OR5AS1: variants seen among roughly 807,000 people sequenced by gnomAD.
The protein encoded by OR5AS1 is olfactory receptor 5AS1.
For synonymous variants in OR5AS1, 196 were observed against 141.7 expected (o/e 1.38, Z -2.72); for missense variants, 492 against 378.2 (o/e 1.30, Z -2.50).
At position 56,030,678 on chromosome 11, in the gene OR5AS1, C is replaced by A; in HGVS notation, c.260C>A (p.Ala87Glu). 6.3e-7 allele frequency: 1 copy of A among 1,590,512 alleles called. No homozygotes were observed. Among genetic ancestry groups the A allele is most frequent in the South Asian group, 1.1e-5 (1 of 88,218 alleles). Residue 87 changes from alanine (A) to glutamate (E), a missense_variant, in exon 2 of 2, where the codon GCA (alanine) becomes GAA (glutamate). Ala to Glu is a moderately radical substitution (Grantham distance 107). Transcript: ENST00000641320. ...ITPKMLANFL[A>E]SRKSISPYGC... is the part of the protein sequence containing the mutation. ...CCTAAAATGCTGGCAAACTTCTTGG[C>A]ATCCAGGAAAAGCATCTCTCCTTAT...
rs1554959173 is a variant in OR5AS1 at position 56,036,793 on chromosome 11, G to A, written c.*5400G>A. The A allele has an allele frequency of 6.6e-6, 1 of 152,018 alleles. No individual in the cohort carries two copies. The highest frequency in any genetic ancestry group is 1.5e-5 in the Non-Finnish European group (1 of 68,010). The allele number at this position is 152,018 out of a possible 1,614,324, so 9.4% of individuals were successfully genotyped here. ...TATGCGGCCAGCATCATCCTGATAT[G>A]AAAACCTGGCAGAGACACAGCAAAA... On this transcript the variant is annotated 3_prime_UTR_variant, in exon 2 of 2. Coordinates refer to ENST00000641320, the MANE Select transcript of OR5AS1 (RefSeq NM_001001921.2).
At position 56,031,603 on chromosome 11, in the gene OR5AS1, G is replaced by A. The variant is rs1853352430; in HGVS notation, c.*210G>A. 5.1e-6 allele frequency: 2 copies of A among 391,550 alleles called. No homozygotes were observed. The highest frequency in any genetic ancestry group is 4.1e-5 in the African/African-American group (2 of 49,008). The allele number at this position is 391,550 out of a possible 1,614,324, so 24.3% of individuals were successfully genotyped here. A position where few individuals can be genotyped will look rare whatever the true frequency, so the allele number is the denominator to read the frequency against. On this transcript the variant is annotated 3_prime_UTR_variant, in exon 2 of 2. Transcript: ENST00000641320. ...CATAGTCATTATTTATATCCAATTA[G>A]TGTTTCTAAAATGCTTTGTACATTG...
chr11:56,030,690 G>A lies in OR5AS1; in HGVS notation c.272G>A (p.Ser91Asn), dbSNP rs201121098. ...MLANFLASRK[S>N]ISPYGCALQM... ...GCAAACTTCTTGGCATCCAGGAAAA[G>A]CATCTCTCCTTATGGGTGTGCACTA... The change falls in exon 2 of 2, where the codon AGC becomes AAC. Residue 91 changes from serine to asparagine, a missense_variant. Coordinates refer to ENST00000641320, the MANE Select transcript of OR5AS1 (RefSeq NM_001001921.2). The A allele has an allele frequency of 6.8e-5, 108 of 1,596,354 alleles. No homozygotes were observed. The highest frequency in any genetic ancestry group is 8.5e-5 in the Non-Finnish European group (99 of 1,169,378).
chr11:56,028,679 T>C (rs369470500), intron 1 of OR5AS1, among the ~76,000 whole-genome samples: 77 of 152,190 alleles, frequency 5.1e-4, no homozygotes, highest in African/African-American at 1.7e-3. Context: ...AGTCTCTCAC[T>C]GGACAATTGA....
chr11:56,037,458 A>G lies in OR5AS1; in HGVS notation c.*6065A>G, dbSNP rs1276748003. Reference sequence around the variant, plus strand: ...ATGTGCAAAAATCACAAGCATTCCTATACACCAATAACAGACAAACAGAGC... The same window carrying G: ...ATGTGCAAAAATCACAAGCATTCCTGTACACCAATAACAGACAAACAGAGC... On this transcript the variant is annotated 3_prime_UTR_variant, in exon 2 of 2. Coordinates refer to ENST00000641320, the MANE Select transcript of OR5AS1 (RefSeq NM_001001921.2). The G allele has an allele frequency of 2.0e-5, 3 of 152,122 alleles. No individual in the cohort carries two copies. Among genetic ancestry groups the G allele is most frequent in the Non-Finnish European group, 4.4e-5 (3 of 68,044 alleles). The allele number at this position is 152,122 out of a possible 1,614,324, so 9.4% of individuals were successfully genotyped here.
At position 56,031,581 on chromosome 11, in the gene OR5AS1, A is replaced by G. The variant is rs1055105671; in HGVS notation, c.*188A>G. ...TATAAAACATTACCTAATTAAACATAGTCATTATTTATATCCAATTAGTGT... is the reference window on the plus strand; with the variant it reads ...TATAAAACATTACCTAATTAAACATGGTCATTATTTATATCCAATTAGTGT... On this transcript the variant is annotated 3_prime_UTR_variant, in exon 2 of 2. Transcript: ENST00000641320. The G allele has an allele frequency of 8.3e-5, 38 of 457,450 alleles. No individual in the cohort carries two copies. The highest frequency in any genetic ancestry group is 6.7e-4 in the African/African-American group (34 of 50,830). 28.3% of individuals were successfully genotyped at this position (457,450 alleles called of 1,614,324 possible). A position where few individuals can be genotyped will look rare whatever the true frequency, so the allele number is the denominator to read the frequency against.
Position 56,036,961 on chromosome 11 carries a change from C to CA in OR5AS1, c.*5569dup, listed in dbSNP as rs1853412076. ...TCCCTGGGATGCAAGGCTGGCTTAA[C>CA]ATACGCAAATCAATAAACGTAACCC... On this transcript the variant is annotated 3_prime_UTR_variant, in exon 2 of 2. Coordinates refer to ENST00000641320, the MANE Select transcript of OR5AS1 (RefSeq NM_001001921.2). 6.6e-6 allele frequency: 1 copy of CA among 152,160 alleles called. No individual in the cohort carries two copies. Among genetic ancestry groups the CA allele is most frequent in the African/African-American group, 2.4e-5 (1 of 41,406 alleles). The allele number at this position is 152,160 out of a possible 1,614,324, so 9.4% of individuals were successfully genotyped here. A position where few individuals can be genotyped will look rare whatever the true frequency, so the allele number is the denominator to read the frequency against.
At position 56,036,775 on chromosome 11, in the gene OR5AS1, C is replaced by T. The variant is rs1234961732; in HGVS notation, c.*5382C>T. On this transcript the variant is annotated 3_prime_UTR_variant, in exon 2 of 2. Transcript: ENST00000641320. The stretch of plus-strand genomic sequence containing the variant: ...CTCCTCCCTAACTCATTTTATGCGG[C>T]CAGCATCATCCTGATATGAAAACCT... 1 of 152,060 alleles carries T rather than the reference C, an allele frequency of 6.6e-6. No individual in the cohort carries two copies. The highest frequency in any genetic ancestry group is 1.5e-5 in the Non-Finnish European group (1 of 68,042). The allele number at this position is 152,060 out of a possible 1,614,324, so 9.4% of individuals were successfully genotyped here.
chr11:56,032,395 G>T lies in OR5AS1; in HGVS notation c.*1002G>T, dbSNP rs1163202360. ...TATAAACAATTTTTACTCTGTAATC[G>T]ATTTTGATAATTAAATTATCAGATT... On this transcript the variant is annotated 3_prime_UTR_variant, in exon 2 of 2. Transcript: ENST00000641320. The T allele has an allele frequency of 6.6e-6, 1 of 151,960 alleles. No individual in the cohort carries two copies. 9.4% of individuals were successfully genotyped at this position (151,960 alleles called of 1,614,324 possible). A position where few individuals can be genotyped will look rare whatever the true frequency, so the allele number is the denominator to read the frequency against.
At chr11:56,028,816 A>G (rs1853320005) in intron 1 of OR5AS1, among the ~76,000 whole-genome samples, 1 of 151,994 alleles carries the variant, frequency 6.6e-6, no homozygotes, top group Admixed American at 6.6e-5. Context: ...TGGAAATGTC[A>G]CTTGTTTGGA....
Position 56,036,955 on chromosome 11 carries a change from G to A in OR5AS1, c.*5562G>A, listed in dbSNP as rs1853412043. The A allele has an allele frequency of 6.6e-6, 1 of 152,078 alleles. No individual in the cohort carries two copies. Among genetic ancestry groups the A allele is most frequent in the African/African-American group, 2.4e-5 (1 of 41,366 alleles). The allele number at this position is 152,078 out of a possible 1,614,324, so 9.4% of individuals were successfully genotyped here. A position where few individuals can be genotyped will look rare whatever the true frequency, so the allele number is the denominator to read the frequency against. ...GCTTTATCCCTGGGATGCAAGGCTG[G>A]CTTAACATACGCAAATCAATAAACG... On this transcript the variant is annotated 3_prime_UTR_variant, in exon 2 of 2. Transcript: ENST00000641320.
Position 56,034,795 on chromosome 11 carries a change from C to G in OR5AS1, c.*3402C>G, listed in dbSNP as rs1330473378. 6.6e-6 allele frequency: 1 copy of G among 151,982 alleles called. No homozygotes were observed. The highest frequency in any genetic ancestry group is 1.5e-5 in the Non-Finnish European group (1 of 68,022). 9.4% of individuals were successfully genotyped at this position (151,982 alleles called of 1,614,324 possible). A position where few individuals can be genotyped will look rare whatever the true frequency, so the allele number is the denominator to read the frequency against. On this transcript the variant is annotated 3_prime_UTR_variant, in exon 2 of 2. Transcript: ENST00000641320. ...AGATACACCTCAAGAAGAGCAACCC[C>G]CAGACACATAATCATCAGATTCACC...
Position 56,033,945 on chromosome 11 carries a change from T to C in OR5AS1, c.*2552T>C, listed in dbSNP as rs775762949. ...AAAGGAAGGAACGGGCAGCAATCTTTACTGTTCTGCAGCCTTCGCAGGCAA... is the reference window on the plus strand; with the variant it reads ...AAAGGAAGGAACGGGCAGCAATCTTCACTGTTCTGCAGCCTTCGCAGGCAA... On this transcript the variant is annotated 3_prime_UTR_variant, in exon 2 of 2. Coordinates refer to ENST00000641320, the MANE Select transcript of OR5AS1 (RefSeq NM_001001921.2). The C allele has an allele frequency of 6.6e-6, 1 of 152,266 alleles. No homozygotes were observed. The highest frequency in any genetic ancestry group is 1.5e-5 in the Non-Finnish European group (1 of 68,160). The allele number at this position is 152,266 out of a possible 1,614,324, so 9.4% of individuals were successfully genotyped here. A position where few individuals can be genotyped will look rare whatever the true frequency, so the allele number is the denominator to read the frequency against.
At chr11:56,030,153 G>A (rs1853332325) in intron 1 of OR5AS1, among the ~76,000 whole-genome samples, 1 of 151,988 alleles carries the variant, frequency 6.6e-6, no homozygotes, top group African/African-American at 2.4e-5. Flanking sequence ...AGTGCAGCGC[G>A]TTTAAAGAGG....
chr11:56,031,583 T>C lies in OR5AS1; in HGVS notation c.*190T>C, dbSNP rs562853276. The C allele has an allele frequency of 6.7e-6, 3 of 450,914 alleles. No homozygotes were observed. The highest frequency in any genetic ancestry group is 7.8e-5 in the South Asian group (2 of 25,800). 27.9% of individuals were successfully genotyped at this position (450,914 alleles called of 1,614,324 possible). ...TAAAACATTACCTAATTAAACATAG[T>C]CATTATTTATATCCAATTAGTGTTT... On this transcript the variant is annotated 3_prime_UTR_variant, in exon 2 of 2. Coordinates refer to ENST00000641320, the MANE Select transcript of OR5AS1 (RefSeq NM_001001921.2).
rs528369208 is a variant in OR5AS1, at chr11:56,031,210, T to C, written c.792T>C (p.Thr264=). 3.7e-6 allele frequency: 6 copies of C among 1,613,408 alleles called. No individual in the cohort carries two copies. The African/African-American group carries it at 6.7e-5, about 18-fold the overall frequency. Residue 264 remains threonine (T), a synonymous_variant, in exon 2 of 2, where the codon ACT becomes ACC. Transcript: ENST00000641320. ...ALLFMYLQPT[T]SYSLDTDKVV... Reference sequence around the variant, plus strand: ...TGTTTATGTACTTACAGCCCACCACTAGCTATTCCCTAGACACTGATAAGG... The same window carrying C: ...TGTTTATGTACTTACAGCCCACCACCAGCTATTCCCTAGACACTGATAAGG...
At position 56,038,086 on chromosome 11, in the gene OR5AS1, G is replaced by C. The variant is rs1565028717; in HGVS notation, c.*6693G>C. The C allele has an allele frequency of 6.6e-6, 1 of 152,064 alleles. No individual in the cohort carries two copies. Among genetic ancestry groups the C allele is most frequent in the Non-Finnish European group, 1.5e-5 (1 of 68,028 alleles). 9.4% of individuals were successfully genotyped at this position (152,064 alleles called of 1,614,324 possible). A position where few individuals can be genotyped will look rare whatever the true frequency, so the allele number is the denominator to read the frequency against. On this transcript the variant is annotated 3_prime_UTR_variant, in exon 2 of 2. Coordinates refer to ENST00000641320, the MANE Select transcript of OR5AS1 (RefSeq NM_001001921.2). ...AGCCATATGCAGAAAGCAGAAACTG[G>C]ACCCCTTCCTTATATCTTATACAAA...
chr11:56,030,854 G>A lies in OR5AS1; in HGVS notation c.436G>A (p.Val146Met), dbSNP rs138919605. ...TAGGAGAGTCTGTGTCTGCTTCATT[G>A]TGTTGGCATATTTCAGTGGAAGTAC... The part of the protein sequence containing the change: ...MSRRVCVCFI[V>M]LAYFSGSTTS... The change falls in exon 2 of 2, where the codon GTG (valine) becomes ATG (methionine). Residue 146 changes from valine to methionine, a missense_variant. Physicochemically the swap from Val to Met is conservative, Grantham distance 21. Transcript: ENST00000641320. 220 of 1,614,018 alleles carry A rather than the reference G, an allele frequency of 1.4e-4. 2 individuals are homozygous for A. In the African/African-American group the frequency reaches 2.6e-3, roughly 19 times the overall value.
At position 56,030,819 on chromosome 11, in the gene OR5AS1, C is replaced by T. The variant is rs751263499; in HGVS notation, c.401C>T (p.Thr134Ile). The change falls in exon 2 of 2, where the codon ACA (threonine) becomes ATA (isoleucine). Residue 134 changes from threonine to isoleucine, a missense_variant. Coordinates refer to ENST00000641320, the MANE Select transcript of OR5AS1 (RefSeq NM_001001921.2). ...ATCTGCAACCCACTGCTCTATACTA[C>T]ACTGATGTCTAGGAGAGTCTGTGTC... ...AAICNPLLYTTLMSRRVCVCF... is the reference protein window; with the variant it reads ...AAICNPLLYTILMSRRVCVCF... The T allele has an allele frequency of 4.8e-5, 77 of 1,613,994 alleles. No homozygotes were observed. Among genetic ancestry groups the T allele is most frequent in the East Asian group, 2.7e-4 (12 of 44,876 alleles).
Sources: allele counts gnomAD v4.1 joint callset (sites outside exome capture counted in the v4.1 genomes callset), GRCh38; gene constraint gnomAD v4.1.1; transcripts MANE v1.5; gene names NCBI Gene and HGNC (gene_info 2026-07-23, HGNC 2026-07-21).